Variants in NDST3 observed in about 807,000 individuals in gnomAD.
NDST3 encodes the protein bifunctional heparan sulfate N-deacetylase/N-sulfotransferase 3.
NDST3 carries 58 observed loss-of-function variants against 96.1 expected under a neutral mutation model. The observed-to-expected ratio is 0.60, with a 90% CI of 0.49 to 0.75. The LOEUF is 0.75. NDST3 is among the 30% of genes least tolerant of loss of function. The pLI is 0.00. For missense variants in NDST3, 788 were observed against 1,034.2 expected, an observed-to-expected ratio of 0.76 and a Z score of 3.27; for synonymous variants, 333 against 359.7, an observed-to-expected ratio of 0.93 and a Z score of 0.84.
chr4:118,250,488 T>C (rs1192177728), intron 12 of NDST3, among the ~76,000 whole-genome samples: 2 of 127,688 alleles, frequency 1.6e-5, no homozygotes, highest in Non-Finnish European at 3.3e-5. Context: ...TGTTCCAATC[T>C]TTTTTTTTTT....
chr4:118,212,501 T>C (rs1050758990), intron 6 of NDST3, among the ~76,000 whole-genome samples: 2 of 152,156 alleles, frequency 1.3e-5, no homozygotes, highest in African/African-American at 4.8e-5. Context: ...GATGGAGACG[T>C]TGCACTCCAG....
intron 6 of NDST3, among the ~76,000 whole-genome samples, chr4:118,195,583 T>G (rs1737625886): frequency 6.6e-6 from 1 of 152,240 alleles, no homozygotes; most frequent in South Asian, 2.1e-4. Context: ...GAGAACAGAC[T>G]AATATGCTAC....
chr4:118,091,602 G>T (rs1728871325), intron 2 of NDST3, among the ~76,000 whole-genome samples: 1 of 151,612 alleles, frequency 6.6e-6, no homozygotes, highest in African/African-American at 2.4e-5. Flanking sequence ...CCCAAGCAGA[G>T]GATTCTCTAC....
intron 8 of NDST3, among the ~76,000 whole-genome samples, chr4:118,232,683 G>GGAAAGAAAGAAAGAAAGAAAGAAAGAAA (rs201457518): frequency 7.8e-4 from 117 of 150,074 alleles, no homozygotes; most frequent in African/African-American, 2.7e-3. Flanking sequence ...GAAAAGAAAA[G>GGAAAGAAAGAAAGAAAGAAAGAAAGAAA]GAAAGAAACA....
intron 6 of NDST3, among the ~76,000 whole-genome samples, chr4:118,200,877 G>A (rs1738032097): frequency 6.6e-6 from 1 of 151,982 alleles, no homozygotes. Flanking sequence ...TTGGAGTACA[G>A]GTTCCCTCAC....
intron 6 of NDST3, among the ~76,000 whole-genome samples, chr4:118,149,315 G>T (rs904126427): frequency 1.3e-5 from 2 of 152,096 alleles, no homozygotes; most frequent in African/African-American, 4.8e-5. Flanking sequence ...GCTTGATGGG[G>T]ATGACATTGA....
chr4:118,193,628 T>C (rs1260622610), intron 6 of NDST3: 14 of 1,274,626 alleles, frequency 1.1e-5, no homozygotes, highest in Non-Finnish European at 1.6e-5. Flanking sequence ...GGCTTCGTTG[T>C]TGGGGTAGAG....
chr4:118,134,365 A>C (rs1188488312), intron 4 of NDST3, among the ~76,000 whole-genome samples: 1 of 152,230 alleles, frequency 6.6e-6, no homozygotes, highest in Non-Finnish European at 1.5e-5. Flanking sequence ...TTTTGAGTAG[A>C]CAGTCACATA....
intron 2 of NDST3, among the ~76,000 whole-genome samples, chr4:118,069,444 G>A (rs1726864509): frequency 6.6e-6 from 1 of 152,008 alleles, no homozygotes; most frequent in South Asian, 2.1e-4. Context: ...ATTCGCCTTT[G>A]AGAAACTACA....
At position 118,180,811 on chromosome 4, in the gene NDST3, C is replaced by T. The variant is rs778155931; in HGVS notation, c.1539+37127C>T. On this transcript the variant is annotated intron_variant, in intron 6 of 13. Coordinates refer to ENST00000296499, the MANE Select transcript of NDST3 (RefSeq NM_004784.3). ...TCATCTTATTTTTCAGTGATGAACA[C>T]TCTAATATCTCCTAAGTGCCCTCAC... Among the ~76,000 whole-genome samples, 3 of 152,104 alleles carry T rather than the reference C, an allele frequency of 2.0e-5. No homozygotes were observed. The South Asian group carries it at 6.2e-4, about 32-fold the overall frequency.
chr4:118,159,280 A>G (rs1204747260), intron 6 of NDST3, among the ~76,000 whole-genome samples: 2 of 152,212 alleles, frequency 1.3e-5, no homozygotes, highest in Non-Finnish European at 2.9e-5. Flanking sequence ...AGCTTATAGC[A>G]GCTCCAGAGA....
At chr4:118,048,187 T>G (rs1053903216) in intron 1 of NDST3, among the ~76,000 whole-genome samples, 4 of 152,126 alleles carry the variant, frequency 2.6e-5, no homozygotes, top group African/African-American at 9.7e-5. Flanking sequence ...GCTGAATGAA[T>G]TCATTTCAAC....
intron 6 of NDST3, among the ~76,000 whole-genome samples, chr4:118,173,748 A>G (rs1282390344): frequency 6.6e-6 from 1 of 152,170 alleles, no homozygotes; most frequent in Admixed American, 6.6e-5. Flanking sequence ...GGGGGAATGT[A>G]ATATATAAAA....
chr4:118,156,007 A>T lies in NDST3; in HGVS notation c.1539+12323A>T, dbSNP rs374775538. Among the ~76,000 whole-genome samples, 12 of 152,340 alleles carry T rather than the reference A, an allele frequency of 7.9e-5. No individual in the cohort carries two copies. The East Asian group carries it at 2.3e-3, about 29-fold the overall frequency. On this transcript the variant is annotated intron_variant, in intron 6 of 13. Coordinates refer to ENST00000296499, the MANE Select transcript of NDST3 (RefSeq NM_004784.3). ...CAGTAGCAAAGATTTTAATTCCTAC[A>T]TACTAAATACAAAGTGCTCAGATTT...
intron 2 of NDST3, among the ~76,000 whole-genome samples, chr4:118,070,691 A>G (rs1405389130): frequency 4.7e-5 from 7 of 148,458 alleles, no homozygotes; most frequent in Admixed American, 3.4e-4. Context: ...GTACATGTGC[A>G]CAATGTGCAG....
At chr4:118,232,916 TG>T in intron 8 of NDST3, 95 bp from the exon 9 acceptor site, 1 of 1,201,934 alleles carries the variant, frequency 8.3e-7, no homozygotes, top group East Asian at 2.4e-5. Context: ...TAAATCTGTT[TG>T]GATCATTCTA....
At chr4:118,170,136 CTCTT>C (rs1735837980) in intron 6 of NDST3, among the ~76,000 whole-genome samples, 2 of 152,252 alleles carry the variant, frequency 1.3e-5, no homozygotes, top group Non-Finnish European at 2.9e-5. Context: ...TAAATTATCT[CTCTT>C]TATAGGAGAC....
At chr4:118,074,764 A>T (rs1375625775) in intron 2 of NDST3, among the ~76,000 whole-genome samples, 1 of 152,096 alleles carries the variant, frequency 6.6e-6, no homozygotes, top group Non-Finnish European at 1.5e-5. Context: ...GATATGTACA[A>T]ATTTGATCCT....
At chr4:118,050,266 G>T (rs1479073714) in intron 1 of NDST3, among the ~76,000 whole-genome samples, 1 of 152,032 alleles carries the variant, frequency 6.6e-6, no homozygotes, top group Non-Finnish European at 1.5e-5. Context: ...CAAACTCACA[G>T]CCAATGTCAT....
Sources: allele counts gnomAD v4.1 joint callset (sites outside exome capture counted in the v4.1 genomes callset), GRCh38; gene constraint gnomAD v4.1.1; transcripts MANE v1.5; gene names NCBI Gene and HGNC (gene_info 2026-07-23, HGNC 2026-07-21).